NDUFAF2: variants seen among roughly 807,000 people sequenced by gnomAD.
NDUFAF2 encodes the protein NADH:ubiquinone oxidoreductase complex assembly factor 2, also known as NADH dehydrogenase [ubiquinone] 1 alpha subcomplex assembly factor 2.
NDUFAF2 carries 13 observed loss-of-function variants against 22.8 expected under a neutral mutation model. The observed-to-expected ratio is 0.57, with a 90% CI of 0.37 to 0.91. The LOEUF (loss-of-function observed/expected upper bound fraction) is 0.91. NDUFAF2 is among the 40% of genes least tolerant of loss of function. NDUFAF2 has a pLI of 0.01. For synonymous variants in NDUFAF2, 53 were observed against 64.2 expected (o/e 0.83, Z 0.84); for missense variants, 162 against 195.2 (o/e 0.83, Z 1.01).
At chr5:60,960,952 A>C (rs112107739) in intron 1 of NDUFAF2, among the ~76,000 whole-genome samples, 279 of 152,244 alleles carry the variant, frequency 1.8e-3, no homozygotes, top group African/African-American at 6.4e-3. Flanking sequence ...TTAAGCATAC[A>C]TTACCTTCAA....
intron 1 of NDUFAF2, among the ~76,000 whole-genome samples, chr5:60,988,685 C>A (rs1751116237): frequency 6.6e-6 from 1 of 152,140 alleles, no homozygotes; most frequent in African/African-American, 2.4e-5. Flanking sequence ...GGGGAAAGGA[C>A]TCCCTATTCT....
intron 1 of NDUFAF2, among the ~76,000 whole-genome samples, chr5:61,033,347 A>T (rs1438435492): frequency 2.0e-5 from 3 of 152,160 alleles, no homozygotes. Context: ...GAAATTTTTT[A>T]TGCCATCTAT....
At chr5:60,956,274 A>G (rs561887379) in intron 1 of NDUFAF2, among the ~76,000 whole-genome samples, 2 of 152,126 alleles carry the variant, frequency 1.3e-5, no homozygotes, top group East Asian at 3.9e-4. Flanking sequence ...TGTGTGTGGA[A>G]TCTTTGGGGA....
intron 1 of NDUFAF2, among the ~76,000 whole-genome samples, chr5:60,956,515 G>A (rs1051109668): frequency 5.3e-5 from 8 of 152,098 alleles, no homozygotes; most frequent in Admixed American, 1.3e-4. Flanking sequence ...ATGTTGAGGT[G>A]CATCCCTTCT....
intron 1 of NDUFAF2, among the ~76,000 whole-genome samples, chr5:60,998,977 G>C (rs532230580): frequency 6.6e-6 from 1 of 151,952 alleles, no homozygotes; most frequent in African/African-American, 2.4e-5. Flanking sequence ...TCCTATGGTA[G>C]AGAAAATGGA....
chr5:61,119,170 T>C lies in NDUFAF2; in HGVS notation c.258+20138T>C, dbSNP rs981553290. 5.3e-5 allele frequency among the ~76,000 whole-genome samples: 8 copies of C among 152,310 alleles called. No homozygotes were observed. In the South Asian group the frequency reaches 1.4e-3, roughly 28 times the overall value. On this transcript the variant is annotated intron_variant, in intron 3 of 3. Transcript: ENST00000296597. ...TGAGGAATTGTCACAGTAATGTGCA[T>C]ACAGAACGAATCAGTATAGTTTAGT...
chr5:61,019,586 T>C (rs1363136495), intron 1 of NDUFAF2, among the ~76,000 whole-genome samples: 2 of 152,094 alleles, frequency 1.3e-5, no homozygotes, highest in African/African-American at 2.4e-5. Flanking sequence ...CTATTTTTTT[T>C]CCAGCAACAA....
intron 1 of NDUFAF2, among the ~76,000 whole-genome samples, chr5:61,002,823 C>T (rs893543430): frequency 6.6e-6 from 1 of 152,090 alleles, no homozygotes; most frequent in African/African-American, 2.4e-5. Flanking sequence ...TCCATCTGTT[C>T]AATTGGCATT....
chr5:60,974,248 C>T (rs539889865), intron 1 of NDUFAF2, among the ~76,000 whole-genome samples: 5 of 152,220 alleles, frequency 3.3e-5, no homozygotes, highest in Admixed American at 2.6e-4. Context: ...ATGCCGGACG[C>T]TTCCTGCCCT....
intron 3 of NDUFAF2, among the ~76,000 whole-genome samples, chr5:61,099,741 T>G (rs1485919188): frequency 6.6e-6 from 1 of 152,154 alleles, no homozygotes; most frequent in African/African-American, 2.4e-5. Context: ...TCTAAATGCA[T>G]TAGTGTACTG....
chr5:61,149,311 C>T (rs984025554), intron 3 of NDUFAF2, among the ~76,000 whole-genome samples: 3 of 152,234 alleles, frequency 2.0e-5, no homozygotes, highest in East Asian at 1.9e-4. Flanking sequence ...CCTTGTAATA[C>T]ATAACTATCT....
chr5:60,957,503 T>A (rs1009449402), intron 1 of NDUFAF2, among the ~76,000 whole-genome samples: 3 of 140,968 alleles, frequency 2.1e-5, no homozygotes, highest in Non-Finnish European at 3.2e-5. Flanking sequence ...TGTTTACTTT[T>A]TTTTTTTTTA....
At chr5:61,009,829 T>A (rs1359423465) in intron 1 of NDUFAF2, among the ~76,000 whole-genome samples, 1 of 152,022 alleles carries the variant, frequency 6.6e-6, no homozygotes, top group Admixed American at 6.6e-5. Flanking sequence ...GGCCTCAGAA[T>A]CATCAGCATG....
chr5:61,002,968 C>G (rs1751316810), intron 1 of NDUFAF2, among the ~76,000 whole-genome samples: 1 of 152,080 alleles, frequency 6.6e-6, no homozygotes, highest in Non-Finnish European at 1.5e-5. Flanking sequence ...TTTACAGCTC[C>G]TAAGATTATA....
chr5:60,983,614 C>A (rs1000767176), intron 1 of NDUFAF2, among the ~76,000 whole-genome samples: 7 of 150,848 alleles, frequency 4.6e-5, no homozygotes, highest in African/African-American at 4.9e-5. Flanking sequence ...CAGCTTTCTA[C>A]GTATGGCTAG....
Position 61,102,859 on chromosome 5 carries a change from G to C in NDUFAF2, c.258+3827G>C, listed in dbSNP as rs1280232039. On this transcript the variant is annotated intron_variant, in intron 3 of 3. Coordinates refer to ENST00000296597, the MANE Select transcript of NDUFAF2 (RefSeq NM_174889.5). Reference sequence around the variant, plus strand: ...AAGCACTCTGTAAGACACGTTTTAAGTATATGAAAATATACTTAGCAACAC... The same window carrying C: ...AAGCACTCTGTAAGACACGTTTTAACTATATGAAAATATACTTAGCAACAC... Among the ~76,000 whole-genome samples the C allele has an allele frequency of 1.4e-5, 2 of 145,418 alleles. 1 individual carries two copies. Among genetic ancestry groups the C allele is most frequent in the Non-Finnish European group, 3.2e-5 (2 of 63,388 alleles).
intron 1 of NDUFAF2, among the ~76,000 whole-genome samples, chr5:60,957,065 T>TCAAAA (rs1425794431): frequency 2.0e-5 from 3 of 152,136 alleles, no homozygotes; most frequent in Non-Finnish European, 4.4e-5. Context: ...AACTGAAGGG[T>TCAAAA]GTTTTATACC....
intron 1 of NDUFAF2, among the ~76,000 whole-genome samples, chr5:61,000,556 A>G (rs1362331262): frequency 1.3e-5 from 2 of 152,170 alleles, no homozygotes; most frequent in Non-Finnish European, 1.5e-5. Context: ...ATCTATCTCT[A>G]ACAACAATGA....
rs900535013 is a variant in NDUFAF2 at position 61,123,735 on chromosome 5, A to G, written c.258+24703A>G. On this transcript the variant is annotated intron_variant, in intron 3 of 3. Transcript: ENST00000296597. ...ACTCCTGGAGACCTTCTTTTCAAACAAGTTTATTACAATTAGCAATGAAGG... is the reference window on the plus strand; with the variant it reads ...ACTCCTGGAGACCTTCTTTTCAAACGAGTTTATTACAATTAGCAATGAAGG... Among the ~76,000 whole-genome samples, 3 of 152,290 alleles carry G rather than the reference A, an allele frequency of 2.0e-5. 1 individual carries two copies. In the Middle Eastern group the frequency reaches 0.01, roughly 518 times the overall value.
Sources: gnomAD v4.1 joint callset for allele counts (sites outside exome capture counted in the v4.1 genomes callset) on GRCh38, gnomAD v4.1.1 for gene constraint, MANE v1.5 for transcripts, NCBI Gene and HGNC (gene_info 2026-07-23, HGNC 2026-07-21) for gene names.